SMARCB1: variants seen among roughly 807,000 people sequenced by gnomAD.
SMARCB1 encodes the protein SWI/SNF-related matrix-associated actin-dependent regulator of chromatin subfamily B member 1.
In SMARCB1, 5 loss-of-function variants were observed where a neutral mutation model predicts 49.0. That is an observed-to-expected ratio of 0.10 (90% CI 0.05 to 0.21). The LOEUF is 0.21. Ranked by LOEUF, SMARCB1 falls within the 10% of genes least tolerant of loss-of-function variation. The pLI is 1.00. For synonymous variants in SMARCB1, 201 were observed against 200.1 expected (o/e 1.00, Z -0.04); for missense variants, 226 against 509.2 (o/e 0.44, Z 5.35).
chr22:23,796,448 GCT>G (rs1928753316), intron 3 of SMARCB1, among the ~76,000 whole-genome samples: 3 of 152,200 alleles, frequency 2.0e-5, no homozygotes, highest in Non-Finnish European at 4.4e-5. Context: ...TGTGCATTCA[GCT>G]CTCAACAAAG....
chr22:23,803,481 C>G, intron 5 of SMARCB1, 59 bp downstream of exon 5: 2 of 1,599,018 alleles, frequency 1.3e-6, no homozygotes, highest in Non-Finnish European at 1.7e-6. Context: ...TACGTGGGAA[C>G]AGTCCCGTTT....
intron 7 of SMARCB1, among the ~76,000 whole-genome samples, chr22:23,831,621 C>A (rs954780702): frequency 1.3e-5 from 2 of 152,186 alleles, no homozygotes; most frequent in African/African-American, 4.8e-5. Flanking sequence ...TACTTTAGAA[C>A]AAACCCACTG....
Position 23,798,043 on chromosome 22 carries a change from G to C in SMARCB1, c.363-2901G>C, listed in dbSNP as rs1436113138. Among the ~76,000 whole-genome samples the C allele has an allele frequency of 2.0e-5, 3 of 152,150 alleles. No homozygotes were observed. In the East Asian group the frequency reaches 5.8e-4, roughly 29 times the overall value. On this transcript the variant is annotated intron_variant, in intron 3 of 8. Transcript: ENST00000644036. Reference sequence around the variant, plus strand: ...AGTTGATAGCTAGACCTGGAAATGAGAACTTGCTACTGAGATAGGGCAGGA... The same window carrying C: ...AGTTGATAGCTAGACCTGGAAATGACAACTTGCTACTGAGATAGGGCAGGA...
At chr22:23,803,874 GCCATCTCTT>G in intron 5 of SMARCB1, 1 of 265,186 alleles carries the variant, frequency 3.8e-6, no homozygotes, top group Non-Finnish European at 7.5e-6. Flanking sequence ...TGGGTCAGAT[GCCATCTCTT>G]CTGGCTCTTC....
At chr22:23,801,195 A>C in intron 4 of SMARCB1, 114 bp downstream of exon 4, 1 of 1,424,498 alleles carries the variant, frequency 7.0e-7, no homozygotes, top group Non-Finnish European at 9.8e-7. Flanking sequence ...TGCTCCCCAC[A>C]ACGCCACAGT....
At chr22:23,819,210 A>G (rs2029942155) in intron 6 of SMARCB1, among the ~76,000 whole-genome samples, 1 of 152,218 alleles carries the variant, frequency 6.6e-6, no homozygotes, top group African/African-American at 2.4e-5. Flanking sequence ...ATTTTTATTT[A>G]TTCATCCCTA....
intron 5 of SMARCB1, chr22:23,815,955 GC>G (rs1360414464): frequency 6.6e-6 from 1 of 152,644 alleles, no homozygotes; most frequent in Non-Finnish European, 1.5e-5. Context: ...TGCTGTTGCT[GC>G]CCCGCAGGCT....
chr22:23,828,629 G>A (rs192870676), intron 7 of SMARCB1, among the ~76,000 whole-genome samples: 15 of 152,212 alleles, frequency 9.9e-5, no homozygotes, highest in Admixed American at 3.9e-4. Flanking sequence ...GCTCCAGCCC[G>A]ACAGAGCTAG....
chr22:23,836,775 C>T lies in SMARCB1; in HGVS notation c.*2595C>T. On this transcript the variant is annotated 3_prime_UTR_variant, in exon 9 of 9. Coordinates refer to ENST00000644036, the MANE Select transcript of SMARCB1 (RefSeq NM_003073.5). ...TATTCAGGTGGGCCCTTGCATGGGC[C>T]CAGCCTTTAGGATGGGTTTTTTCTG... 1.4e-6 allele frequency: 2 copies of T among 1,406,892 alleles called. No homozygotes were observed. The highest frequency in any genetic ancestry group is 1.8e-6 in the Non-Finnish European group (2 of 1,081,742). The allele number at this position is 1,406,892 out of a possible 1,614,324, so 87.2% of individuals were successfully genotyped here. A position where few individuals can be genotyped will look rare whatever the true frequency, so the allele number is the denominator to read the frequency against.
intron 5 of SMARCB1, 110 bp downstream of exon 5, chr22:23,803,532 C>A: frequency 1.6e-6 from 2 of 1,289,516 alleles, no homozygotes; most frequent in Non-Finnish European, 2.2e-6. Context: ...ACCTGACACG[C>A]AGGACATCGG....
intron 4 of SMARCB1, 42 bp from the exon 5 acceptor site, chr22:23,803,253 C>T (rs753685430): frequency 6.8e-6 from 11 of 1,613,530 alleles, no homozygotes; most frequent in Non-Finnish European, 9.3e-6. Flanking sequence ...ATACCTAGGG[C>T]TCCGGCCCCC....
chr22:23,800,919 G>T (rs760955141), intron 3 of SMARCB1, 25 bp from the exon 4 acceptor site: 4 of 1,587,432 alleles, frequency 2.5e-6, no homozygotes, highest in Non-Finnish European at 3.5e-6. Context: ...TACTGACTGG[G>T]AGGACTTTTC....
chr22:23,800,738 C>T (rs973196842), intron 3 of SMARCB1, among the ~76,000 whole-genome samples: 5 of 152,190 alleles, frequency 3.3e-5, no homozygotes, highest in Non-Finnish European at 5.9e-5. Flanking sequence ...GGTGCCCCTA[C>T]GTACCCTTGC....
At position 23,837,987 on chromosome 22, in the gene SMARCB1, T is replaced by C. The variant is rs1345770043; in HGVS notation, c.*3807T>C. ...CCCTCATCAAGATGAGCCAGTCCAA[T>C]AAAGGCGACACACTCCACGGGCTTC... On this transcript the variant is annotated 3_prime_UTR_variant, in exon 9 of 9. Coordinates refer to ENST00000644036, the MANE Select transcript of SMARCB1 (RefSeq NM_003073.5). The C allele has an allele frequency of 8.1e-7, 1 of 1,241,436 alleles. No individual in the cohort carries two copies. The highest frequency in any genetic ancestry group is 1.5e-5 in the African/African-American group (1 of 65,814). 76.9% of individuals were successfully genotyped at this position (1,241,436 alleles called of 1,614,324 possible).
At chr22:23,829,555 A>G (rs2030550682) in intron 7 of SMARCB1, among the ~76,000 whole-genome samples, 1 of 152,186 alleles carries the variant, frequency 6.6e-6, no homozygotes, top group Admixed American at 6.5e-5. Context: ...ATCAGGAATT[A>G]GGCTGGGGTA....
chr22:23,811,831 A>G (rs1929884752), intron 5 of SMARCB1, among the ~76,000 whole-genome samples: 1 of 152,242 alleles, frequency 6.6e-6, no homozygotes, highest in South Asian at 2.1e-4. Context: ...GGACATTTGA[A>G]GAGCAGAAAT....
In SMARCB1 at chr22:23,837,988, A is replaced by AG. The variant is rs1488678240; in HGVS notation, c.*3808_*3809insG. 8.1e-7 allele frequency: 1 copy of AG among 1,240,442 alleles called. No individual in the cohort carries two copies. The highest frequency in any genetic ancestry group is 2.6e-5 in the Admixed American group (1 of 38,058). The allele number at this position is 1,240,442 out of a possible 1,614,324, so 76.8% of individuals were successfully genotyped here. On this transcript the variant is annotated 3_prime_UTR_variant, in exon 9 of 9. Coordinates refer to ENST00000644036, the MANE Select transcript of SMARCB1 (RefSeq NM_003073.5). ...CCTCATCAAGATGAGCCAGTCCAAT[A>AG]AAGGCGACACACTCCACGGGCTTCA...
rs1411688373 is a variant in SMARCB1 at position 23,834,228 on chromosome 22, C to T, written c.*48C>T. ...CCACGGAGCATCTCAGAAGATTGGG[C>T]CGCCTCTCCTCCATCTTCTGGCAAG... On this transcript the variant is annotated 3_prime_UTR_variant, in exon 9 of 9. Transcript: ENST00000644036. 21 of 1,540,016 alleles carry T rather than the reference C, an allele frequency of 1.4e-5. No homozygotes were observed. Among genetic ancestry groups the T allele is most frequent in the Non-Finnish European group, 2.6e-6 (3 of 1,135,078 alleles).
chr22:23,833,842 T>A (rs952572622), intron 8 of SMARCB1, 139 bp downstream of exon 8: 2 of 997,286 alleles, frequency 2.0e-6, no homozygotes, highest in Non-Finnish European at 3.1e-6. Flanking sequence ...GGCAGGCTTC[T>A]GGGTGATAAG....
Sources: gnomAD v4.1 joint callset for allele counts (sites outside exome capture counted in the v4.1 genomes callset) on GRCh38, gnomAD v4.1.1 for gene constraint, MANE v1.5 for transcripts, NCBI Gene and HGNC (gene_info 2026-07-23, HGNC 2026-07-21) for gene names.